The following SYTL3 variants were observed in gnomAD, a reference collection of about 807,000 sequenced individuals.
The protein encoded by SYTL3 is synaptotagmin like 3, also known as synaptotagmin-like protein 3.
A neutral mutation model predicts 82.1 loss-of-function variants in SYTL3; 88 were observed. The observed-to-expected ratio is 1.07, with a 90% CI of 0.90 to 1.28. The LOEUF (loss-of-function observed/expected upper bound fraction) is 1.28. Ranked by LOEUF, SYTL3 falls within the 50% of genes most tolerant of loss-of-function variation. The pLI is 0.00. For synonymous variants in SYTL3, 311 were observed against 289.4 expected, an observed-to-expected ratio of 1.07 and a Z score of -0.76; for missense variants, 831 against 757.6, an observed-to-expected ratio of 1.10 and a Z score of -1.14.
upstream of SYTL3, among the ~76,000 whole-genome samples, chr6:158,647,471 C>T (rs1022977043): frequency 1.3e-5 from 2 of 152,112 alleles, no homozygotes; most frequent in African/African-American, 4.8e-5. Context: ...AAAACATGGC[C>T]TTTATGGAAT....
chr6:158,651,777 C>T lies in SYTL3; in HGVS notation c.-702C>T, dbSNP rs184185545. ...GGCTCCCCGAATGAGAAAGAATACT[C>T]GGAATCAGCGGTGAATTGCAGTGAT... is the stretch of plus-strand genomic sequence containing the variant. On this transcript the variant is annotated 5_prime_UTR_variant, in exon 2 of 18. Coordinates refer to ENST00000611299, the MANE Select transcript of SYTL3 (RefSeq NM_001242394.2). 12 of 151,922 alleles carry T rather than the reference C, an allele frequency of 7.9e-5. No homozygotes were observed. The South Asian group carries it at 1.4e-3, about 18-fold the overall frequency. The allele number at this position is 151,922 out of a possible 1,614,324, so 9.4% of individuals were successfully genotyped here.
intron 6 of SYTL3, among the ~76,000 whole-genome samples, chr6:158,685,834 A>G (rs971195483): frequency 2.0e-5 from 3 of 152,104 alleles, no homozygotes; most frequent in South Asian, 4.1e-4. Context: ...CAAACAAACA[A>G]ACAAAAACAA....
intron 6 of SYTL3, among the ~76,000 whole-genome samples, chr6:158,695,300 A>G (rs951725653): frequency 2.0e-5 from 3 of 152,234 alleles, no homozygotes; most frequent in Admixed American, 6.5e-5. Flanking sequence ...TCCTATTTCA[A>G]TGAATAGCAT....
At chr6:158,647,710 G>A (rs1562330141), upstream of SYTL3, among the ~76,000 whole-genome samples, 1 of 152,238 alleles carries the variant, frequency 6.6e-6, no homozygotes, top group Non-Finnish European at 1.5e-5. Context: ...AAGCATTGGA[G>A]CTCAGACACC....
chr6:158,722,966 A>G (rs1784300575), intron 10 of SYTL3, among the ~76,000 whole-genome samples: 1 of 148,748 alleles, frequency 6.7e-6, no homozygotes, highest in Non-Finnish European at 1.5e-5. Flanking sequence ...GGGTTTCTCC[A>G]TTTTGGCCAT....
Position 158,764,592 on chromosome 6 carries a change from T to C in SYTL3, c.1821T>C (p.Leu607=), listed in dbSNP as rs1312956926. 1.2e-6 allele frequency: 2 copies of C among 1,613,342 alleles called. No homozygotes were observed. Among genetic ancestry groups the C allele is most frequent in the African/African-American group, 2.7e-5 (2 of 74,894 alleles). The change falls in exon 18 of 18, where the codon CTT becomes CTC. Residue 607 remains leucine, a synonymous_variant. Transcript: ENST00000611299. ...CCAATCTATGGACAGACATGACTCT[T>C]GTCCTGCACTGACATGAAGGCCTCA... ...SSPNLWTDMT[L]VLH
At chr6:158,763,647 A>T in intron 17 of SYTL3, 138 bp downstream of exon 17, 1 of 701,800 alleles carries the variant, frequency 1.4e-6, no homozygotes, top group Non-Finnish European at 2.4e-6. Flanking sequence ...GGAAATGCCT[A>T]AGTCTAGTTT....
At chr6:158,702,346 ATT>A (rs1214272559) in intron 6 of SYTL3, among the ~76,000 whole-genome samples, 2 of 136,630 alleles carry the variant, frequency 1.5e-5, no homozygotes, top group Non-Finnish European at 3.2e-5. Context: ...AAAAAAAAAA[ATT>A]TTTTTTTTTT....
At chr6:158,653,345 A>T (rs928393026) in intron 2 of SYTL3, among the ~76,000 whole-genome samples, 2 of 152,036 alleles carry the variant, frequency 1.3e-5, no homozygotes, top group Non-Finnish European at 2.9e-5. Flanking sequence ...TGTCTCTACT[A>T]AAAATACAAA....
chr6:158,677,681 G>T (rs1275103704), intron 5 of SYTL3, among the ~76,000 whole-genome samples: 1 of 141,244 alleles, frequency 7.1e-6, no homozygotes, highest in Non-Finnish European at 1.5e-5. Context: ...CTCCAGCCTG[G>T]GTGACAAGAA....
At chr6:158,741,752 T>A (rs1786957088) in intron 11 of SYTL3, among the ~76,000 whole-genome samples, 1 of 152,216 alleles carries the variant, frequency 6.6e-6, no homozygotes. Context: ...AGACAACCCT[T>A]CAAAATGATG....
rs1055564511 is a variant in SYTL3 at position 158,757,921 on chromosome 6, GAGAT to G, written c.1308+547_1308+550del. ...CTCCTGGTTTGGAATTGCACGGCGG[GAGAT>G]AGATAGCACGTGGGCTGGGGGTGGG... On this transcript the variant is annotated intron_variant, in intron 14 of 17. Coordinates refer to ENST00000611299, the MANE Select transcript of SYTL3 (RefSeq NM_001242394.2). Among the ~76,000 whole-genome samples, 46 of 152,308 alleles carry G rather than the reference GAGAT, an allele frequency of 3.0e-4. No individual in the cohort carries two copies. The Middle Eastern group carries it at 0.01, about 34-fold the overall frequency.
chr6:158,741,454 C>T (rs1562448913), intron 11 of SYTL3, among the ~76,000 whole-genome samples: 1 of 152,188 alleles, frequency 6.6e-6, no homozygotes, highest in Non-Finnish European at 1.5e-5. Context: ...TTGATCAATG[C>T]TGGCTGCAGG....
At position 158,665,616 on chromosome 6, in the gene SYTL3, A is replaced by G; in HGVS notation, c.329+3A>G. 6.5e-7 allele frequency: 1 copy of G among 1,545,562 alleles called. No homozygotes were observed. Among genetic ancestry groups the G allele is most frequent in the Non-Finnish European group, 8.8e-7 (1 of 1,141,248 alleles). ...TGCACGGTGTGCTTCGAGGACAGGT[A>G]AGCATGGCCGGTGGTTGGATCCCTC... On this transcript the variant is annotated splice_donor_region_variant and intron_variant, in intron 5 of 17. Transcript: ENST00000611299.
intron 12 of SYTL3, among the ~76,000 whole-genome samples, chr6:158,750,215 A>G (rs1788219921): frequency 6.6e-6 from 1 of 152,224 alleles, no homozygotes; most frequent in African/African-American, 2.4e-5. Flanking sequence ...TACATTGTTT[A>G]AGGAGACACA....
chr6:158,667,286 T>G (rs1790194266), intron 5 of SYTL3, among the ~76,000 whole-genome samples: 1 of 152,210 alleles, frequency 6.6e-6, no homozygotes, highest in Non-Finnish European at 1.5e-5. Flanking sequence ...AACTTTACCC[T>G]CTAAGTACAT....
intron 10 of SYTL3, among the ~76,000 whole-genome samples, chr6:158,720,406 C>CAAAA (rs10640552): frequency 0.082 from 7,179 of 87,906 alleles, 1,002 homozygotes; most frequent in African/African-American, 0.29. Flanking sequence ...AACTTTGTCT[C>CAAAA]AAAAAAAAAA....
chr6:158,676,957 G>A (rs1209504093), intron 5 of SYTL3, among the ~76,000 whole-genome samples: 1 of 152,126 alleles, frequency 6.6e-6, no homozygotes, highest in East Asian at 1.9e-4. Context: ...CACTGTTGGT[G>A]GGACTGTAAA....
At chr6:158,669,804 T>A (rs192828456) in intron 5 of SYTL3, among the ~76,000 whole-genome samples, 1 of 152,328 alleles carries the variant, frequency 6.6e-6, no homozygotes, top group African/African-American at 2.4e-5. Flanking sequence ...GAGCTGGATG[T>A]GGTCATCCAC....
Sources: allele counts gnomAD v4.1 joint callset (sites outside exome capture counted in the v4.1 genomes callset), GRCh38; gene constraint gnomAD v4.1.1; transcripts MANE v1.5; gene names NCBI Gene and HGNC (gene_info 2026-07-23, HGNC 2026-07-21).